The following HYCC2 variants were observed in gnomAD, a reference collection of about 807,000 sequenced individuals.
HYCC2 encodes the protein hyccin 2.
chr2:201,063,026 C>T, the HYCC2 span: 2 of 1,584,816 alleles, frequency 1.3e-6, no homozygotes, highest in East Asian at 2.2e-5. Context: ...TAAAAATCTT[C>T]TCCTTTCTGC....
the HYCC2 span, among the ~76,000 whole-genome samples, chr2:201,013,128 C>T: frequency 6.6e-6 from 1 of 152,026 alleles, no homozygotes; most frequent in African/African-American, 2.4e-5. Context: ...CCTTACTAGA[C>T]CTATATGGTA....
chr2:201,016,207 A>G, the HYCC2 span, among the ~76,000 whole-genome samples: 1 of 138,934 alleles, frequency 7.2e-6, no homozygotes, highest in African/African-American at 3.5e-5. Flanking sequence ...TATAAAATAC[A>G]TTATCAAAAA....
At chr2:201,008,184 C>G in the HYCC2 span, among the ~76,000 whole-genome samples, 4,321 of 152,160 alleles carry the variant, frequency 0.028, 213 homozygotes, top group African/African-American at 0.099. Context: ...GTCCCTCAAA[C>G]TGTAAAATTT....
the HYCC2 span, chr2:200,979,799 C>A: frequency 6.6e-6 from 1 of 152,548 alleles, no homozygotes; most frequent in Non-Finnish European, 1.5e-5. Context: ...AACATCAGAG[C>A]CTGAGACCCA....
chr2:201,054,550 T>C, the HYCC2 span, among the ~76,000 whole-genome samples: 4 of 152,138 alleles, frequency 2.6e-5, no homozygotes, highest in East Asian at 5.8e-4. Context: ...CAGACATTTC[T>C]CCAAGGAACC....
the HYCC2 span, among the ~76,000 whole-genome samples, chr2:200,985,385 G>A: frequency 2.6e-5 from 4 of 152,212 alleles, no homozygotes; most frequent in East Asian, 7.7e-4. Context: ...AATAGGCCAG[G>A]GGCGGTGGCT....
At chr2:201,029,959 C>G in the HYCC2 span, among the ~76,000 whole-genome samples, 2 of 152,124 alleles carry the variant, frequency 1.3e-5, no homozygotes, top group Admixed American at 1.3e-4. Context: ...TAGTCATGCA[C>G]ACCGGTAGTC....
the HYCC2 span, among the ~76,000 whole-genome samples, chr2:201,028,169 TAACA>T: frequency 9.2e-5 from 14 of 152,078 alleles, no homozygotes; most frequent in South Asian, 4.2e-4. Context: ...TGTACACCAA[TAACA>T]AACAAACAAA....
At chr2:201,010,402 T>G in the HYCC2 span, among the ~76,000 whole-genome samples, 3 of 152,204 alleles carry the variant, frequency 2.0e-5, no homozygotes, top group African/African-American at 7.2e-5. Flanking sequence ...TTAAATGTTA[T>G]CCTCACGACT....
At chr2:201,003,293 T>C in the HYCC2 span, among the ~76,000 whole-genome samples, 19 of 152,130 alleles carry the variant, frequency 1.2e-4, 1 homozygote, top group Non-Finnish European at 5.9e-5. Context: ...CCTCAAGTGA[T>C]CCTCCCACCT....
chr2:201,007,101 T>C, the HYCC2 span, among the ~76,000 whole-genome samples: 28 of 152,340 alleles, frequency 1.8e-4, no homozygotes, highest in African/African-American at 6.5e-4. Context: ...GTATCTGTCA[T>C]ATAAATGCTA....
chr2:201,067,925 C>T, the HYCC2 span, among the ~76,000 whole-genome samples: 27 of 152,248 alleles, frequency 1.8e-4, no homozygotes, highest in African/African-American at 6.5e-4. Context: ...AAGAACTAAT[C>T]CAAACCAAAA....
chr2:201,000,873 C>G, the HYCC2 span, among the ~76,000 whole-genome samples: 2 of 151,820 alleles, frequency 1.3e-5, no homozygotes, highest in African/African-American at 4.8e-5. Flanking sequence ...GTGGCTCATG[C>G]CTATAATCCC....
chr2:201,022,725 T>A, the HYCC2 span: 15 of 638,122 alleles, frequency 2.4e-5, no homozygotes, highest in South Asian at 9.4e-5. Context: ...AGAAAGAAAA[T>A]TTTCCAGATC....
chr2:201,036,460 A>G, the HYCC2 span, among the ~76,000 whole-genome samples: 1 of 152,216 alleles, frequency 6.6e-6, no homozygotes, highest in Non-Finnish European at 1.5e-5. Flanking sequence ...TTTTAGACCA[A>G]TATCCCTGAT....
chr2:200,983,646 TAA>T, the HYCC2 span, among the ~76,000 whole-genome samples: 1 of 147,536 alleles, frequency 6.8e-6, no homozygotes, highest in Admixed American at 6.7e-5. Context: ...TACCTCAAAA[TAA>T]AAACTTTAAA....
the HYCC2 span, among the ~76,000 whole-genome samples, chr2:201,001,941 G>A: frequency 6.6e-6 from 1 of 151,922 alleles, no homozygotes; most frequent in African/African-American, 2.4e-5. Flanking sequence ...CAAAGTGCTG[G>A]GATTATAGGC....
At chr2:201,006,892 C>G in the HYCC2 span, among the ~76,000 whole-genome samples, 3 of 152,100 alleles carry the variant, frequency 2.0e-5, no homozygotes, top group Admixed American at 6.6e-5. Flanking sequence ...CTAAATTTAG[C>G]TAATCATTAA....
the HYCC2 span, chr2:200,977,818 C>T: frequency 3.9e-5 from 6 of 152,222 alleles, no homozygotes; most frequent in African/African-American, 1.2e-4. Flanking sequence ...TGCCACTGCA[C>T]TCTAGCCTAG....
Sources: gnomAD v4.1 joint callset for allele counts (sites outside exome capture counted in the v4.1 genomes callset) on GRCh38, gnomAD v4.1.1 for gene constraint, MANE v1.5 for transcripts, NCBI Gene and HGNC (gene_info 2026-07-23, HGNC 2026-07-21) for gene names.